The following YBX3 variants were observed in gnomAD, a reference collection of about 807,000 sequenced individuals.
YBX3 encodes Y-box-binding protein 3.
Under a neutral mutation model 42.4 loss-of-function variants are expected in YBX3, and 29 were observed. The observed-to-expected ratio is 0.68, with a 90% CI of 0.51 to 0.93. The LOEUF (loss-of-function observed/expected upper bound fraction) is 0.93, where lower values mean the gene tolerates loss of function less well. Ranked by LOEUF, YBX3 falls within the 40% of genes least tolerant of loss-of-function variation. YBX3 has a pLI of 0.00. For synonymous variants in YBX3, 195 were observed against 189.8 expected (o/e 1.03, Z -0.22); for missense variants, 517 against 527.5 (o/e 0.98, Z 0.19).
chr12:10,703,565 G>A (rs1271839248), intron 7 of YBX3: 1 of 438,902 alleles, frequency 2.3e-6, no homozygotes, highest in East Asian at 7.4e-5. Context: ...TTTCAGACAG[G>A]GTCTCACTCT....
At chr12:10,710,178 AT>A (rs1565588789) in intron 5 of YBX3, 64 bp from the exon 6 acceptor site, 3 of 1,563,380 alleles carry the variant, frequency 1.9e-6, no homozygotes, top group Non-Finnish European at 2.6e-6. Context: ...AAAGAACACC[AT>A]TTAGGATGAA....
intron 5 of YBX3, chr12:10,711,039 A>G (rs1234223639): frequency 6.5e-6 from 1 of 153,214 alleles, no homozygotes; most frequent in Non-Finnish European, 1.5e-5. Context: ...CTCCCTTTAT[A>G]TGTTTAGGAG....
intron 6 of YBX3, 64 bp downstream of exon 6, chr12:10,709,835 GGAGGAGGAA>G: frequency 6.4e-7 from 1 of 1,556,828 alleles, no homozygotes; most frequent in Non-Finnish European, 8.9e-7. Flanking sequence ...TGTTGGAGGA[GGAGGAGGAA>G]GAGGAGGCAG....
chr12:10,710,192 T>A (rs1438257473), intron 5 of YBX3, 78 bp from the exon 6 acceptor site: 3 of 1,547,032 alleles, frequency 1.9e-6, no homozygotes, highest in Non-Finnish European at 2.6e-6. Flanking sequence ...AGGATGAATA[T>A]CACCAAAATA....
intron 7 of YBX3, chr12:10,702,699 T>A (rs899328269): frequency 6.6e-6 from 1 of 152,158 alleles, no homozygotes; most frequent in African/African-American, 2.4e-5. Flanking sequence ...TCTGTTCCTA[T>A]CAGGCCCTTT....
At chr12:10,701,425 TAA>T (rs544835324) in intron 8 of YBX3, 72 bp from the exon 9 acceptor site, 1 of 764,850 alleles carries the variant, frequency 1.3e-6, no homozygotes, top group South Asian at 1.4e-5. Context: ...TGAAAGTTCT[TAA>T]AAGTTTGAAT....
At chr12:10,705,769 C>A (rs1948130570) in intron 6 of YBX3, among the ~76,000 whole-genome samples, 1 of 152,034 alleles carries the variant, frequency 6.6e-6, no homozygotes, top group South Asian at 2.1e-4. Flanking sequence ...TTTGTATGGA[C>A]TCATGGTTTT....
intron 1 of YBX3, 89 bp downstream of exon 1, chr12:10,722,761 G>C (rs1343177431): frequency 6.0e-6 from 7 of 1,167,286 alleles, no homozygotes; most frequent in Non-Finnish European, 7.7e-6. Flanking sequence ...GCCCGGGTGG[G>C]AGATGTAGCG....
chr12:10,707,637 T>C (rs901568871), intron 6 of YBX3, among the ~76,000 whole-genome samples: 6 of 152,332 alleles, frequency 3.9e-5, no homozygotes, highest in Non-Finnish European at 8.8e-5. Flanking sequence ...AGTCCAATAA[T>C]CTCTTCAATG....
chr12:10,719,247 A>T, intron 1 of YBX3, 104 bp from the exon 2 acceptor site: 1 of 936,156 alleles, frequency 1.1e-6, no homozygotes, highest in Non-Finnish European at 1.6e-6. Context: ...ACATACCTAA[A>T]GAAACCATTA....
Position 10,701,309 on chromosome 12 carries a change from G to C in YBX3, c.1098C>G (p.Thr366=). ...GGTGTTACTCAGCACTGCTCTGCTG[G>C]GTGGGTGGAGCAGGGTTCTCAGTTG... is the stretch of plus-strand genomic sequence containing the variant. ...EAPTENPAPP[T]QQSSAE The change falls in exon 9 of 10, where the codon ACC becomes ACG. Residue 366 remains threonine, a synonymous_variant. Transcript: ENST00000228251. 1.3e-6 allele frequency: 1 copy of C among 780,922 alleles called. No individual in the cohort carries two copies. The highest frequency in any genetic ancestry group is 2.4e-6 in the Non-Finnish European group (1 of 418,126). The allele number at this position is 780,922 out of a possible 1,614,324, so 48.4% of individuals were successfully genotyped here.
Position 10,722,848 on chromosome 12 carries a change from A to G in YBX3, c.262+2T>C. ...GCCCCTGCCCTCCCTGGCCTGACTCACCGAGAACTTTTTTCTCCGCGTCTT... is the reference window on the plus strand; with the variant it reads ...GCCCCTGCCCTCCCTGGCCTGACTCGCCGAGAACTTTTTTCTCCGCGTCTT... On this transcript the variant is annotated splice_donor_variant, in intron 1 of 9. Transcript: ENST00000228251. LOFTEE classifies it high-confidence loss of function. The G allele has an allele frequency of 1.3e-6, 2 of 1,490,422 alleles. No homozygotes were observed. Among genetic ancestry groups the G allele is most frequent in the Admixed American group, 2.2e-5 (1 of 44,816 alleles). 92.3% of individuals were successfully genotyped at this position (1,490,422 alleles called of 1,614,324 possible). A position where few individuals can be genotyped will look rare whatever the true frequency, so the allele number is the denominator to read the frequency against.
rs754034184 is a variant in YBX3, at chr12:10,702,019, G to T, written c.994C>A (p.Pro332Thr). 9 of 1,614,100 alleles carry T rather than the reference G, an allele frequency of 5.6e-6. No individual in the cohort carries two copies. Among genetic ancestry groups the T allele is most frequent in the Non-Finnish European group, 7.6e-6 (9 of 1,180,006 alleles). The change falls in exon 8 of 10, where the codon CCC (proline) becomes ACC (threonine). Residue 332 changes from proline to threonine, a missense_variant. Transcript: ENST00000228251. ...CGCGGGCGACGCCGGTAATTGTAGG[G>T]ACGCCGGTATCCACGGCGAACAGAC... ...QPSVRRGYRR[P>T]YNYRRRPRPP...
chr12:10,704,214 C>A, intron 6 of YBX3, 66 bp from the exon 7 acceptor site: 1 of 1,342,096 alleles, frequency 7.5e-7, no homozygotes. Context: ...GTGCATACAG[C>A]TATGTTCAGA....
At chr12:10,712,950 T>C (rs1309546735) in intron 5 of YBX3, 1 of 429,660 alleles carries the variant, frequency 2.3e-6, no homozygotes, top group Non-Finnish European at 4.1e-6. Context: ...GCTCCAGTGA[T>C]GGGTGCACCA....
intron 5 of YBX3, 68 bp downstream of exon 5, chr12:10,713,143 A>ATTGG: frequency 6.6e-7 from 1 of 1,504,936 alleles, no homozygotes; most frequent in African/African-American, 1.4e-5. Flanking sequence ...ATCTGCTCCA[A>ATTGG]GTACATACAC....
chr12:10,720,958 A>G (rs1031419873), intron 1 of YBX3: 8 of 152,232 alleles, frequency 5.3e-5, no homozygotes, highest in African/African-American at 1.7e-4. Flanking sequence ...GGGGAGGAAG[A>G]CCATAGATTT....
intron 3 of YBX3, 27 bp from the exon 4 acceptor site, chr12:10,715,810 C>G: frequency 6.3e-7 from 1 of 1,587,194 alleles, no homozygotes; most frequent in African/African-American, 1.3e-5. Flanking sequence ...AAATTTTATT[C>G]GATGTATATT....
intron 1 of YBX3, among the ~76,000 whole-genome samples, chr12:10,719,847 A>G (rs886178206): frequency 3.9e-5 from 6 of 152,194 alleles, no homozygotes; most frequent in African/African-American, 1.4e-4. Flanking sequence ...CCTCTTTACC[A>G]TAATGGTTGT....
Sources: allele counts gnomAD v4.1 joint callset (sites outside exome capture counted in the v4.1 genomes callset), GRCh38; gene constraint gnomAD v4.1.1; transcripts MANE v1.5; gene names NCBI Gene and HGNC (gene_info 2026-07-23, HGNC 2026-07-21).